The following ADAM18 variants were observed in gnomAD, a reference collection of about 807,000 sequenced individuals.
ADAM18 encodes ADAM metallopeptidase domain 18.
In ADAM18, 117 loss-of-function variants were observed where a neutral mutation model predicts 94.4. That is an observed-to-expected ratio of 1.24 (90% confidence interval 1.07 to 1.45). The LOEUF is 1.45. Ranked by LOEUF, ADAM18 falls within the 40% of genes most tolerant of loss-of-function variation. The pLI is 0.00. For synonymous variants in ADAM18, 327 were observed against 291.6 expected, an observed-to-expected ratio of 1.12 and a Z score of -1.24; for missense variants, 936 against 880.0, an observed-to-expected ratio of 1.06 and a Z score of -0.81.
chr8:39,710,116 A>G (rs1210386835), intron 18 of ADAM18, among the ~76,000 whole-genome samples: 1 of 152,294 alleles, frequency 6.6e-6, no homozygotes, highest in Admixed American at 6.5e-5. Flanking sequence ...GAGATGAGAT[A>G]AAAACACTGG....
rs528152299 is a variant in ADAM18 at position 39,725,488 on chromosome 8, T to C, written c.2177+1581T>C. ...TCTTTGTACCCTTTAACCACCACCT[T>C]CCCATTCTCTGCTCCCGCATCTCTT... On this transcript the variant is annotated intron_variant, in intron 19 of 19. Coordinates refer to ENST00000265707, the MANE Select transcript of ADAM18 (RefSeq NM_014237.3). Among the ~76,000 whole-genome samples the C allele has an allele frequency of 2.6e-4, 40 of 152,224 alleles. No homozygotes were observed. The East Asian group carries it at 7.3e-3, about 28-fold the overall frequency.
chr8:39,606,436 G>A, intron 3 of ADAM18, 74 bp downstream of exon 3: 1 of 960,912 alleles, frequency 1.0e-6, no homozygotes, highest in Non-Finnish European at 1.6e-6. Context: ...TAAAGTTTTT[G>A]TGCAGTATTT....
rs997581482 is a variant in ADAM18, at chr8:39,723,905, T to G, written c.2175T>G (p.Asn725Lys). ...GTAACAGAGAGAATGCAGAGTATAATCGGTAAATATGATATAGAATCAATG... is the reference window on the plus strand; with the variant it reads ...GTAACAGAGAGAATGCAGAGTATAAGCGGTAAATATGATATAGAATCAATG... ...KSCNRENAEYNRNSSVVSESD... is the reference protein window; with the variant it reads ...KSCNRENAEYKRNSSVVSESD... The change falls in exon 19 of 20, where the codon AAT (asparagine) becomes AAG (lysine). Residue 725 changes from asparagine to lysine, a missense_variant and splice_region_variant. Physicochemically the swap from Asn to Lys is moderately conservative, Grantham distance 94. Coordinates refer to ENST00000265707, the MANE Select transcript of ADAM18 (RefSeq NM_014237.3). 6.7e-7 allele frequency: 1 copy of G among 1,502,700 alleles called. No homozygotes were observed. The allele number at this position is 1,502,700 out of a possible 1,614,324, so 93.1% of individuals were successfully genotyped here. A position where few individuals can be genotyped will look rare whatever the true frequency, so the allele number is the denominator to read the frequency against.
chr8:39,605,933 C>T (rs1211121000), intron 2 of ADAM18, among the ~76,000 whole-genome samples: 1 of 152,118 alleles, frequency 6.6e-6, no homozygotes, highest in Non-Finnish European at 1.5e-5. Context: ...TTAGTTCCCA[C>T]TTATGAGTGA....
Position 39,663,850 on chromosome 8 carries a change from T to A in ADAM18, c.1286T>A (p.Val429Glu). ...AACACATGTAAACTGAAGGGCTCAGTAAAATGTGGTTCTGGACCATGTTGT... is the reference window on the plus strand; with the variant it reads ...AACACATGTAAACTGAAGGGCTCAGAAAAATGTGGTTCTGGACCATGTTGT... ...DYNTCKLKGS[V>E]KCGSGPCCTS... The change falls in exon 13 of 20, where the codon GTA becomes GAA. Residue 429 changes from valine (V) to glutamate (E), a missense_variant. Transcript: ENST00000265707. 6.2e-7 allele frequency: 1 copy of A among 1,612,426 alleles called. No individual in the cohort carries two copies. The highest frequency in any genetic ancestry group is 8.5e-7 in the Non-Finnish European group (1 of 1,179,636).
intron 6 of ADAM18, among the ~76,000 whole-genome samples, chr8:39,625,199 T>C (rs1245835902): frequency 6.6e-6 from 1 of 152,198 alleles, no homozygotes; most frequent in Non-Finnish European, 1.5e-5. Context: ...CAGTTTTTTC[T>C]GCTATCTAGG....
intron 6 of ADAM18, among the ~76,000 whole-genome samples, chr8:39,615,610 C>T (rs1288142755): frequency 1.3e-5 from 2 of 152,098 alleles, no homozygotes; most frequent in Non-Finnish European, 2.9e-5. Flanking sequence ...TAAATATACT[C>T]AACAGGCAAA....
intron 17 of ADAM18, 45 bp from the exon 18 acceptor site, chr8:39,706,745 A>G (rs1396642560): frequency 9.2e-7 from 1 of 1,087,416 alleles, no homozygotes; most frequent in East Asian, 2.4e-5. Flanking sequence ...TATCAGATAC[A>G]AAGACTAAGA....
At chr8:39,696,439 A>C (rs1821930119) in intron 17 of ADAM18, among the ~76,000 whole-genome samples, 1 of 151,516 alleles carries the variant, frequency 6.6e-6, no homozygotes, top group Non-Finnish European at 1.5e-5. Flanking sequence ...TATTAAAGAA[A>C]TCATCAAATC....
chr8:39,646,230 T>C (rs1160820628), intron 11 of ADAM18, among the ~76,000 whole-genome samples: 1 of 152,154 alleles, frequency 6.6e-6, no homozygotes, highest in Non-Finnish European at 1.5e-5. Context: ...CATAGTGCTA[T>C]AGTGCTGTCT....
chr8:39,608,360 G>T (rs1031844925), intron 3 of ADAM18, among the ~76,000 whole-genome samples: 6 of 151,626 alleles, frequency 4.0e-5, no homozygotes, highest in Non-Finnish European at 5.9e-5. Flanking sequence ...TTGGTCTGAT[G>T]CTGTCTTTAT....
chr8:39,629,268 C>A, intron 6 of ADAM18, 106 bp from the exon 7 acceptor site: 2 of 757,122 alleles, frequency 2.6e-6, no homozygotes, highest in Non-Finnish European at 4.2e-6. Flanking sequence ...CTTAAGTCCT[C>A]ATGAAAATCT....
At chr8:39,696,855 T>C (rs1318618149) in intron 17 of ADAM18, among the ~76,000 whole-genome samples, 1 of 151,578 alleles carries the variant, frequency 6.6e-6, no homozygotes, top group African/African-American at 2.4e-5. Context: ...TGAAGTGCCT[T>C]GGGATTCCAT....
chr8:39,649,854 A>G (rs991063666), intron 12 of ADAM18, among the ~76,000 whole-genome samples: 10 of 152,198 alleles, frequency 6.6e-5, no homozygotes, highest in African/African-American at 2.4e-4. Flanking sequence ...CATTTTCTAT[A>G]TCATAGTTCT....
intron 7 of ADAM18, among the ~76,000 whole-genome samples, chr8:39,636,523 A>G (rs186041091): frequency 6.6e-6 from 1 of 152,038 alleles, no homozygotes; most frequent in Non-Finnish European, 1.5e-5. Flanking sequence ...TTCATTCCTG[A>G]TGTTGGCAAT....
chr8:39,670,169 T>A (rs1315439753), intron 14 of ADAM18, among the ~76,000 whole-genome samples: 1 of 152,230 alleles, frequency 6.6e-6, no homozygotes, highest in Admixed American at 6.5e-5. Context: ...GTTGTTTGTT[T>A]TTTTCTTGTA....
chr8:39,672,668 G>A (rs1821186388), intron 14 of ADAM18, among the ~76,000 whole-genome samples: 1 of 152,186 alleles, frequency 6.6e-6, no homozygotes, highest in African/African-American at 2.4e-5. Context: ...TTAAGTGGGA[G>A]CAAGGGCCAT....
chr8:39,604,819 A>G (rs1341037044), intron 2 of ADAM18: 1 of 152,070 alleles, frequency 6.6e-6, no homozygotes, highest in East Asian at 1.9e-4. Context: ...GCCTAATACA[A>G]CACACTTTAT....
chr8:39,640,099 G>C (rs1820194424), intron 10 of ADAM18, among the ~76,000 whole-genome samples: 1 of 152,042 alleles, frequency 6.6e-6, no homozygotes, highest in Non-Finnish European at 1.5e-5. Context: ...GTGCCATGCT[G>C]TTTAGCTGCA....
Sources: gnomAD v4.1 joint callset for allele counts (sites outside exome capture counted in the v4.1 genomes callset) on GRCh38, gnomAD v4.1.1 for gene constraint, MANE v1.5 for transcripts, NCBI Gene and HGNC (gene_info 2026-07-23, HGNC 2026-07-21) for gene names.